Variants in LRRK1 observed in about 807,000 individuals in gnomAD.
LRRK1 encodes the protein leucine-rich repeat serine/threonine-protein kinase 1.
LRRK1 carries 113 observed loss-of-function variants against 209.1 expected under a neutral mutation model. The observed-to-expected ratio is 0.54, with a 90% CI of 0.46 to 0.63. LRRK1 has a LOEUF of 0.63. Ranked by LOEUF, LRRK1 falls within the 30% of genes least tolerant of loss-of-function variation. The probability of loss-of-function intolerance (pLI) is 0.00; values close to 1 mark genes in which losing one functional copy is unlikely to be tolerated. For missense variants in LRRK1, 2,284 were observed against 2,632.2 expected (o/e 0.87, Z 2.89); for synonymous variants, 1,144 against 1,099.7 (o/e 1.04, Z -0.80).
chr15:100,971,132 G>C (rs2030850544), intron 2 of LRRK1, among the ~76,000 whole-genome samples: 1 of 152,030 alleles, frequency 6.6e-6, no homozygotes, highest in African/African-American at 2.4e-5. Flanking sequence ...TCGAGAGTTT[G>C]AGACCAGCCT....
At chr15:100,975,618 C>T (rs1469463341) in intron 3 of LRRK1, among the ~76,000 whole-genome samples, 2 of 152,156 alleles carry the variant, frequency 1.3e-5, no homozygotes, top group Non-Finnish European at 1.5e-5. Flanking sequence ...AGGATGGATA[C>T]ATCTGTGTTT....
chr15:100,941,468 G>GTGTGTCTATGTC (rs1476770415), intron 2 of LRRK1, among the ~76,000 whole-genome samples: 1 of 62,674 alleles, frequency 1.6e-5, no homozygotes. Context: ...ATGTCTCTGT[G>GTGTGTCTATGTC]TGTGTGTGTG....
intron 2 of LRRK1, among the ~76,000 whole-genome samples, chr15:100,951,448 A>G (rs1248881511): frequency 1.3e-5 from 2 of 152,192 alleles, no homozygotes; most frequent in Non-Finnish European, 2.9e-5. Flanking sequence ...GAGTATATAC[A>G]CAAGAGAACT....
intron 2 of LRRK1, among the ~76,000 whole-genome samples, chr15:100,968,471 G>T (rs2030617121): frequency 6.6e-6 from 1 of 152,056 alleles, no homozygotes; most frequent in South Asian, 2.1e-4. Context: ...TGAACATTCT[G>T]GTTGCTCCAT....
rs2141132958 is a variant in LRRK1, at chr15:101,051,817, A to G, written c.3546A>G (p.Ser1182=). Residue 1182 remains serine, a synonymous_variant, in exon 24 of 34, where the codon TCA becomes TCG. Transcript: ENST00000388948. ...AGCACACGGACCCCAGTGAGAAATC[A>G]GAGGATGTGCAGTACTTCGACATGG... ...WAQHTDPSEK[S]EDVQYFDMED... 6.2e-7 allele frequency: 1 copy of G among 1,614,146 alleles called. No individual in the cohort carries two copies. Among genetic ancestry groups the G allele is most frequent in the South Asian group, 1.1e-5 (1 of 91,086 alleles).
At chr15:100,921,880 G>C (rs1483320035) in intron 1 of LRRK1, among the ~76,000 whole-genome samples, 1 of 152,028 alleles carries the variant, frequency 6.6e-6, no homozygotes, top group African/African-American at 2.4e-5. Flanking sequence ...AGCATGCCCA[G>C]CTAATTTTTG....
At chr15:100,945,239 C>G (rs1311446656) in intron 2 of LRRK1, among the ~76,000 whole-genome samples, 1 of 152,176 alleles carries the variant, frequency 6.6e-6, no homozygotes, top group Non-Finnish European at 1.5e-5. Flanking sequence ...GCTAAGCAGC[C>G]CTTCAGGAGA....
At chr15:100,987,656 G>A (rs1172165952) in intron 4 of LRRK1, among the ~76,000 whole-genome samples, 2 of 152,132 alleles carry the variant, frequency 1.3e-5, no homozygotes, top group African/African-American at 4.8e-5. Context: ...ATGAGTTAGG[G>A]TTTATTGATC....
At chr15:101,049,916 C>A in intron 23 of LRRK1, 133 bp downstream of exon 23, 1 of 971,376 alleles carries the variant, frequency 1.0e-6, no homozygotes, top group Non-Finnish European at 1.5e-6. Context: ...GTCTTAACAG[C>A]ACTTTGGTGG....
At chr15:100,926,797 G>T (rs2042124227) in intron 2 of LRRK1, among the ~76,000 whole-genome samples, 2 of 145,360 alleles carry the variant, frequency 1.4e-5, no homozygotes, top group African/African-American at 5.1e-5. Flanking sequence ...TGATTCTCCT[G>T]CCTCAGCCTC....
intron 6 of LRRK1, among the ~76,000 whole-genome samples, chr15:101,001,971 A>T (rs1376076310): frequency 6.7e-6 from 1 of 148,620 alleles, no homozygotes; most frequent in African/African-American, 2.6e-5. Context: ...AATCGTACAG[A>T]GGAACACCTG....
chr15:101,066,795 G>C (rs942149225), intron 33 of LRRK1, 54 bp downstream of exon 33: 3 of 1,410,122 alleles, frequency 2.1e-6, no homozygotes, highest in Non-Finnish European at 3.0e-6. Context: ...GAGCACAGAA[G>C]GCCCTGCAGC....
In LRRK1 at chr15:101,052,116, C is replaced by T. The variant is rs139066698; in HGVS notation, c.3689+156C>T. Among the ~76,000 whole-genome samples the T allele has an allele frequency of 3.6e-3, 544 of 152,352 alleles. 4 individuals carry two copies. The highest frequency in any genetic ancestry group is 0.013 in the African/African-American group (523 of 41,576). On this transcript the variant is annotated intron_variant, in intron 24 of 33. Coordinates refer to ENST00000388948, the MANE Select transcript of LRRK1 (RefSeq NM_024652.6). ...ATCTCAGTACCTTTTAGGTTCCCAT[C>T]CTCGGCTGCCTGAAAGGAACCAGGC...
At chr15:100,946,908 T>G (rs1300710155) in intron 2 of LRRK1, among the ~76,000 whole-genome samples, 1 of 152,200 alleles carries the variant, frequency 6.6e-6, no homozygotes, top group Non-Finnish European at 1.5e-5. Flanking sequence ...TCCAAAGAGC[T>G]CTTTTCCTTC....
At chr15:101,028,056 G>A (rs56176201) in intron 19 of LRRK1, among the ~76,000 whole-genome samples, 4,607 of 152,272 alleles carry the variant, frequency 0.03, 225 homozygotes, top group African/African-American at 0.1. Context: ...TGCCCTCCGG[G>A]GCTGATATTC....
chr15:101,021,210 T>G (rs762795132), intron 13 of LRRK1, 28 bp downstream of exon 13: 30 of 1,612,760 alleles, frequency 1.9e-5, no homozygotes, highest in Non-Finnish European at 2.5e-5. Context: ...GGGGCCGTGC[T>G]GGCTCTGCTG....
At chr15:101,055,519 G>C (rs1596335148) in intron 27 of LRRK1, among the ~76,000 whole-genome samples, 1 of 152,278 alleles carries the variant, frequency 6.6e-6, no homozygotes, top group South Asian at 2.1e-4. Context: ...AGAGAAACAG[G>C]TCTGGATTTG....
intron 4 of LRRK1, chr15:100,983,937 G>A: frequency 3.3e-6 from 2 of 615,164 alleles, no homozygotes; most frequent in Non-Finnish European, 5.9e-6. Context: ...AATTAACATT[G>A]CTTTTTAAAA....
intron 11 of LRRK1, 97 bp from the exon 12 acceptor site, chr15:101,015,229 G>A (rs1179150822): frequency 3.2e-6 from 3 of 934,334 alleles, no homozygotes; most frequent in Non-Finnish European, 5.1e-6. Context: ...CACATGAATT[G>A]CTCCCTATCT....
Sources: gnomAD v4.1 joint callset for allele counts (sites outside exome capture counted in the v4.1 genomes callset) on GRCh38, gnomAD v4.1.1 for gene constraint, MANE v1.5 for transcripts, NCBI Gene and HGNC (gene_info 2026-07-23, HGNC 2026-07-21) for gene names.